ANTXR1: variants seen among roughly 807,000 people sequenced by gnomAD.
The protein encoded by ANTXR1 is ANTXR cell adhesion molecule 1.
Under a neutral mutation model 78.1 loss-of-function variants are expected in ANTXR1, and 19 were observed. The ratio of observed to expected loss-of-function variants is 0.24; its 90% CI spans 0.17 to 0.36. ANTXR1 has a LOEUF of 0.36. ANTXR1 is among the 10% of genes least tolerant of loss of function. The probability of loss-of-function intolerance (pLI) is 1.00; values close to 1 mark genes in which losing one functional copy is unlikely to be tolerated. For synonymous variants in ANTXR1, 273 were observed against 260.5 expected (o/e 1.05, Z -0.46); for missense variants, 518 against 718.6 (o/e 0.72, Z 3.19).
chr2:69,047,114 A>C (rs1471194424), intron 3 of ANTXR1, among the ~76,000 whole-genome samples: 2 of 152,202 alleles, frequency 1.3e-5, no homozygotes, highest in African/African-American at 4.8e-5. Flanking sequence ...GCTGACTTCT[A>C]GTATATGCAG....
chr2:69,212,932 A>G (rs1675080908), intron 17 of ANTXR1, among the ~76,000 whole-genome samples: 1 of 134,220 alleles, frequency 7.5e-6, no homozygotes, highest in Non-Finnish European at 1.5e-5. Context: ...TCAGCCTCCT[A>G]AGTAGCTAAG....
chr2:69,045,619 T>G (rs1669742107), intron 3 of ANTXR1, among the ~76,000 whole-genome samples: 1 of 152,150 alleles, frequency 6.6e-6, no homozygotes, highest in South Asian at 2.1e-4. Flanking sequence ...GCAGGAAGAC[T>G]TTATTCTCTA....
chr2:69,143,463 G>A (rs1340967553), intron 12 of ANTXR1, among the ~76,000 whole-genome samples: 4 of 152,208 alleles, frequency 2.6e-5, no homozygotes, highest in South Asian at 2.1e-4. Flanking sequence ...CAGTGTGAAC[G>A]GTTGAGTTTG....
chr2:69,147,072 G>A (rs1673250501), intron 12 of ANTXR1, among the ~76,000 whole-genome samples: 1 of 152,236 alleles, frequency 6.6e-6, no homozygotes, highest in Non-Finnish European at 1.5e-5. Context: ...AGGCCAAGGA[G>A]TCGAGGCAGT....
At chr2:69,219,441 G>T (rs958784381) in intron 17 of ANTXR1, among the ~76,000 whole-genome samples, 3 of 111,180 alleles carry the variant, frequency 2.7e-5, no homozygotes, top group Admixed American at 1.1e-4. Flanking sequence ...TGAAAATTAG[G>T]TTATCTATCT....
chr2:69,173,608 G>C (rs185501481), intron 14 of ANTXR1, among the ~76,000 whole-genome samples: 2 of 152,046 alleles, frequency 1.3e-5, no homozygotes, highest in African/African-American at 4.8e-5. Flanking sequence ...ACTAAACTTC[G>C]GTCTCATTAA....
At chr2:69,092,586 TTAAA>T (rs1671275175) in intron 9 of ANTXR1, among the ~76,000 whole-genome samples, 1 of 152,228 alleles carries the variant, frequency 6.6e-6, no homozygotes, top group East Asian at 1.9e-4. Flanking sequence ...CTACTGACCT[TTAAA>T]TAAATTGCTA....
At chr2:69,195,433 T>G (rs1247769238) in intron 17 of ANTXR1, among the ~76,000 whole-genome samples, 4 of 152,172 alleles carry the variant, frequency 2.6e-5, no homozygotes, top group Non-Finnish European at 1.5e-5. Context: ...TGAGAAGATT[T>G]GGTCTAAAGT....
intron 3 of ANTXR1, among the ~76,000 whole-genome samples, chr2:69,062,621 A>T (rs1039355635): frequency 4.6e-5 from 7 of 152,218 alleles, no homozygotes; most frequent in Admixed American, 3.9e-4. Flanking sequence ...TAAACAACAC[A>T]AATCAATATT....
intron 10 of ANTXR1, among the ~76,000 whole-genome samples, chr2:69,118,986 G>T (rs940338719): frequency 5.3e-5 from 8 of 152,296 alleles, no homozygotes; most frequent in Admixed American, 2.6e-4. Flanking sequence ...ATGGAGGAAG[G>T]TCTTCCACAG....
intron 9 of ANTXR1, among the ~76,000 whole-genome samples, chr2:69,096,295 AGGG>A (rs1558541168): frequency 0.058 from 194 of 3,360 alleles, 27 homozygotes; most frequent in African/African-American, 0.19. Context: ...GAAGGGAGGA[AGGG>A]AGGAAGGGAG....
chr2:69,055,886 G>T (rs530264839), intron 3 of ANTXR1, among the ~76,000 whole-genome samples: 1 of 151,382 alleles, frequency 6.6e-6, no homozygotes, highest in East Asian at 1.9e-4. Flanking sequence ...TTTCCAATTT[G>T]GGCTCCACCA....
chr2:69,221,369 T>C (rs1206722461), intron 17 of ANTXR1, among the ~76,000 whole-genome samples: 1 of 152,242 alleles, frequency 6.6e-6, no homozygotes, highest in Non-Finnish European at 1.5e-5. Flanking sequence ...CAAAAGTTTA[T>C]TTCTTTTCAG....
At chr2:69,040,308 G>A (rs1306346208) in intron 2 of ANTXR1, among the ~76,000 whole-genome samples, 193 bp downstream of exon 2, 1 of 152,162 alleles carries the variant, frequency 6.6e-6, no homozygotes, top group Non-Finnish European at 1.5e-5. Flanking sequence ...TTGGCTTTAT[G>A]TTTTTGGGAG....
chr2:69,179,231 G>A (rs537104169), intron 14 of ANTXR1, among the ~76,000 whole-genome samples: 1 of 152,100 alleles, frequency 6.6e-6, no homozygotes, highest in Non-Finnish European at 1.5e-5. Context: ...ACTTTATTTT[G>A]TTATATTTTG....
chr2:69,071,616 A>G, intron 4 of ANTXR1, 138 bp from the exon 5 acceptor site: 1 of 833,720 alleles, frequency 1.2e-6, no homozygotes, highest in Non-Finnish European at 2.1e-6. Context: ...CTGATAATTG[A>G]GCAAAGCCTG....
intron 3 of ANTXR1, among the ~76,000 whole-genome samples, chr2:69,045,831 A>G (rs964398256): frequency 1.1e-4 from 16 of 152,086 alleles, no homozygotes; most frequent in Non-Finnish European, 2.9e-5. Context: ...ATTTCATTCA[A>G]AAAAACAGGA....
chr2:69,024,568 A>C (rs1372234520), intron 1 of ANTXR1, among the ~76,000 whole-genome samples: 1 of 152,180 alleles, frequency 6.6e-6, no homozygotes. Flanking sequence ...CAGAATTTCA[A>C]TGGGGGGAAG....
chr2:69,167,671 G>A (rs1212399114), intron 13 of ANTXR1, among the ~76,000 whole-genome samples: 1 of 152,206 alleles, frequency 6.6e-6, no homozygotes, highest in East Asian at 1.9e-4. Flanking sequence ...GAAGCAATGA[G>A]AAGACTTCCT....
Sources: gnomAD v4.1 joint callset for allele counts (sites outside exome capture counted in the v4.1 genomes callset) on GRCh38, gnomAD v4.1.1 for gene constraint, MANE v1.5 for transcripts, NCBI Gene and HGNC (gene_info 2026-07-23, HGNC 2026-07-21) for gene names.